CHCHD3: variants seen among roughly 807,000 people sequenced by gnomAD.
The protein encoded by CHCHD3 is coiled-coil-helix-coiled-coil-helix domain containing 3.
CHCHD3 carries 20 observed loss-of-function variants against 38.2 expected under a neutral mutation model. The observed-to-expected ratio is 0.52, with a 90% CI of 0.37 to 0.76. The LOEUF (loss-of-function observed/expected upper bound fraction) is 0.76. Among genes scored for constraint, CHCHD3 ranks in the 30% least tolerant of loss-of-function variants. CHCHD3 has a pLI of 0.00. For missense variants in CHCHD3, 245 were observed against 279.2 expected (o/e 0.88, Z 0.87); for synonymous variants, 82 against 100.0 (o/e 0.82, Z 1.07).
intron 4 of CHCHD3, among the ~76,000 whole-genome samples, chr7:132,914,123 C>T (rs113565988): frequency 0.026 from 3,428 of 132,286 alleles, 174 homozygotes; most frequent in African/African-American, 0.093. Flanking sequence ...CCATGCCTGG[C>T]GTGTGTGTGT....
intron 4 of CHCHD3, among the ~76,000 whole-genome samples, chr7:132,945,311 C>T (rs988453055): frequency 1.3e-5 from 2 of 151,946 alleles, no homozygotes; most frequent in East Asian, 3.9e-4. Context: ...TGTGAAAATA[C>T]TCAGAAATAA....
intron 2 of CHCHD3, among the ~76,000 whole-genome samples, chr7:133,026,311 G>C (rs1010862832): frequency 6.6e-6 from 1 of 152,032 alleles, no homozygotes; most frequent in African/African-American, 2.4e-5. Flanking sequence ...TTAGGAAAAT[G>C]CAAATCAAAA....
chr7:132,984,867 A>G (rs577834383), intron 3 of CHCHD3, among the ~76,000 whole-genome samples: 41,525 of 72,934 alleles, frequency 0.57, 13,415 homozygotes, highest in African/African-American at 0.63. Flanking sequence ...TCAGCCCCCC[A>G]CCCGGCCAGC....
At chr7:132,795,461 C>T (rs1403875090) in intron 7 of CHCHD3, among the ~76,000 whole-genome samples, 1 of 152,180 alleles carries the variant, frequency 6.6e-6, no homozygotes, top group Non-Finnish European at 1.5e-5. Context: ...TTGAGGACAA[C>T]ATAGGCTTTT....
intron 4 of CHCHD3, chr7:132,972,713 A>G: frequency 1.0e-6 from 1 of 985,438 alleles, no homozygotes; most frequent in Non-Finnish European, 1.2e-6. Flanking sequence ...CTGTCATCCT[A>G]TGGCATAAAT....
intron 4 of CHCHD3, among the ~76,000 whole-genome samples, chr7:132,920,158 CAA>C (rs1426557431): frequency 6.6e-6 from 1 of 152,160 alleles, no homozygotes; most frequent in Admixed American, 6.5e-5. Context: ...ATGCTGGCAT[CAA>C]CAAACTATGG....
At chr7:133,024,887 T>C (rs1180375977) in intron 2 of CHCHD3, among the ~76,000 whole-genome samples, 3 of 152,216 alleles carry the variant, frequency 2.0e-5, no homozygotes, top group African/African-American at 7.2e-5. Flanking sequence ...AACTGCTTAC[T>C]GTACAGTGGG....
chr7:133,023,618 G>A (rs1461290240), intron 3 of CHCHD3, among the ~76,000 whole-genome samples: 1 of 152,180 alleles, frequency 6.6e-6, no homozygotes, highest in Non-Finnish European at 1.5e-5. Flanking sequence ...TCTAAGCTAT[G>A]TGCAAACTCC....
At chr7:132,810,266 T>C (rs540448976) in intron 6 of CHCHD3, among the ~76,000 whole-genome samples, 1 of 152,356 alleles carries the variant, frequency 6.6e-6, no homozygotes, top group South Asian at 2.1e-4. Context: ...CGAAGTATTT[T>C]ATAGCTAATA....
rs567223247 is a variant in CHCHD3 at position 133,066,930 on chromosome 7, G to A, written c.169+3212C>T. Among the ~76,000 whole-genome samples the A allele has an allele frequency of 8.5e-5, 13 of 152,262 alleles. 4 individuals are homozygous for A. The highest frequency in any genetic ancestry group is 7.2e-4 in the Admixed American group (11 of 15,298). On this transcript the variant is annotated intron_variant, in intron 2 of 7. Coordinates refer to ENST00000262570, the MANE Select transcript of CHCHD3 (RefSeq NM_017812.4). ...CTTCATTCCAACTAGTTTCTATCAC[G>A]TCCTTTCTAAAGCAAGATGTCATTC...
chr7:132,889,550 T>G (rs1809308818), intron 4 of CHCHD3, among the ~76,000 whole-genome samples: 1 of 152,092 alleles, frequency 6.6e-6, no homozygotes, highest in Non-Finnish European at 1.5e-5. Flanking sequence ...AGCTCAGATG[T>G]GTACACTAAA....
intron 1 of CHCHD3, among the ~76,000 whole-genome samples, chr7:133,075,065 G>A (rs746595100): frequency 6.6e-6 from 1 of 152,216 alleles, no homozygotes; most frequent in Admixed American, 6.5e-5. Context: ...TATGGGTATA[G>A]AAGGTGCTTA....
chr7:133,063,776 A>G (rs1222349938), intron 2 of CHCHD3, among the ~76,000 whole-genome samples: 2 of 152,364 alleles, frequency 1.3e-5, no homozygotes, highest in East Asian at 3.9e-4. Flanking sequence ...AAAATGAGAT[A>G]GAACAGCTCT....
intron 4 of CHCHD3, among the ~76,000 whole-genome samples, chr7:132,902,489 T>TA (rs1809694753): frequency 6.6e-6 from 1 of 152,114 alleles, no homozygotes; most frequent in Admixed American, 6.5e-5. Flanking sequence ...TACGCAGCCA[T>TA]AAAAAATGAT....
intron 3 of CHCHD3, among the ~76,000 whole-genome samples, chr7:133,021,609 T>C (rs187090658): frequency 2.4e-4 from 36 of 152,330 alleles, no homozygotes; most frequent in East Asian, 1.7e-3. Flanking sequence ...ACTATGCTGA[T>C]AGAAGACATT....
At chr7:132,911,253 G>T (rs1320103467) in intron 4 of CHCHD3, among the ~76,000 whole-genome samples, 3 of 152,046 alleles carry the variant, frequency 2.0e-5, no homozygotes, top group Non-Finnish European at 4.4e-5. Context: ...ATGGGAAGGG[G>T]TCCCAGTCAA....
At chr7:132,790,337 C>A (rs893608119) in intron 7 of CHCHD3, among the ~76,000 whole-genome samples, 1 of 152,000 alleles carries the variant, frequency 6.6e-6, no homozygotes, top group East Asian at 1.9e-4. Flanking sequence ...AAAGAAATAC[C>A]TATTAAGAAA....
At chr7:133,027,647 T>C (rs879600683) in intron 2 of CHCHD3, among the ~76,000 whole-genome samples, 1 of 152,160 alleles carries the variant, frequency 6.6e-6, no homozygotes, top group Non-Finnish European at 1.5e-5. Flanking sequence ...TCCAACTGTA[T>C]ACTATGCTTC....
intron 4 of CHCHD3, among the ~76,000 whole-genome samples, chr7:132,970,758 A>G (rs1311641672): frequency 2.0e-5 from 3 of 151,960 alleles, no homozygotes; most frequent in Non-Finnish European, 1.5e-5. Context: ...TCTTTTTAAC[A>G]TTTAGATTTA....
Sources: allele counts gnomAD v4.1 joint callset (sites outside exome capture counted in the v4.1 genomes callset), GRCh38; gene constraint gnomAD v4.1.1; transcripts MANE v1.5; gene names NCBI Gene and HGNC (gene_info 2026-07-23, HGNC 2026-07-21).